Variants in PCDHGA8 observed in about 807,000 individuals in gnomAD.
The protein encoded by PCDHGA8 is protocadherin gamma subfamily A, 8.
In PCDHGA8, 45 loss-of-function variants were observed where a neutral mutation model predicts 59.2. The observed-to-expected ratio is 0.76, with a 90% CI of 0.60 to 0.98. The LOEUF (loss-of-function observed/expected upper bound fraction) is 0.98. Among genes scored for constraint, PCDHGA8 ranks in the 50% least tolerant of loss-of-function variants. PCDHGA8 has a pLI of 0.00. For missense variants in PCDHGA8, 1,257 were observed against 1,196.2 expected, an observed-to-expected ratio of 1.05 and a Z score of -0.75; for synonymous variants, 531 against 519.0, an observed-to-expected ratio of 1.02 and a Z score of -0.32.
intron 2 of PCDHGA8, among the ~76,000 whole-genome samples, chr5:141,496,582 G>A (rs991035985): frequency 1.9e-4 from 29 of 152,100 alleles, no homozygotes; most frequent in Non-Finnish European, 3.5e-4. Flanking sequence ...TTTTAGGAAC[G>A]CAAAGCGCTT....
chr5:141,487,355 G>A lies in PCDHGA8; in HGVS notation c.2425-7452G>A. ...AGCCTGTGGAGTCACATGCTTTCCT[G>A]CTGGCACCTGTGCCTGTCTCACCAG... On this transcript the variant is annotated intron_variant, in intron 1 of 3. Coordinates refer to ENST00000398604, the MANE Select transcript of PCDHGA8 (RefSeq NM_032088.2). This position sits in a 1 kb window ranked among gnomAD's most constrained non-coding sequence, Gnocchi z 5.0. 1 of 1,614,150 alleles carries A rather than the reference G, an allele frequency of 6.2e-7. No homozygotes were observed. Among genetic ancestry groups the A allele is most frequent in the South Asian group, 1.1e-5 (1 of 91,090 alleles).
chr5:141,399,442 A>G, intron 1 of PCDHGA8: 1 of 1,613,996 alleles, frequency 6.2e-7, no homozygotes. Context: ...CCTACATATC[A>G]GAGACGTCAA....
intron 1 of PCDHGA8, among the ~76,000 whole-genome samples, chr5:141,472,001 G>A (rs992798148): frequency 1.1e-4 from 17 of 152,022 alleles, no homozygotes; most frequent in East Asian, 3.9e-4. Context: ...TCCCTGCATC[G>A]TATAGGGGCA....
At chr5:141,425,296 T>A (rs1283179158) in intron 1 of PCDHGA8, among the ~76,000 whole-genome samples, 1 of 152,194 alleles carries the variant, frequency 6.6e-6, no homozygotes, top group Non-Finnish European at 1.5e-5. Flanking sequence ...TAAAACCTCA[T>A]CTAAACTAAC....
In PCDHGA8 at chr5:141,418,980, A is replaced by G; in HGVS notation, c.2424+23743A>G. 1 of 1,614,004 alleles carries G rather than the reference A, an allele frequency of 6.2e-7. No individual in the cohort carries two copies. ...GTTGCCCTCTTCAAAACACGGGACC[A>G]AGACTCAGGGGAAAATGGGGAAGTC... On this transcript the variant is annotated intron_variant, in intron 1 of 3. Transcript: ENST00000398604.
chr5:141,431,356 C>T lies in PCDHGA8; in HGVS notation c.2424+36119C>T. ...ACCCCGAATTGGTGCTGAAACGCGC[C>T]CTGGACCGCGAAGAAAAGGCTGCTC... On this transcript the variant is annotated intron_variant, in intron 1 of 3. Transcript: ENST00000398604. This position sits in a 1 kb window ranked among gnomAD's most constrained non-coding sequence, Gnocchi z 4.8. 6.2e-7 allele frequency: 1 copy of T among 1,614,004 alleles called. No individual in the cohort carries two copies. The highest frequency in any genetic ancestry group is 8.5e-7 in the Non-Finnish European group (1 of 1,180,026).
At position 141,418,475 on chromosome 5, in the gene PCDHGA8, A is replaced by G; in HGVS notation, c.2424+23238A>G. On this transcript the variant is annotated intron_variant, in intron 1 of 3. Transcript: ENST00000398604. The stretch of plus-strand genomic sequence containing the variant: ...GAAGACTCTGGACCGAGAAACGCAG[A>G]GCGCTCACCACTTGGTACTGACCGC... 3 of 1,614,000 alleles carry G rather than the reference A, an allele frequency of 1.9e-6. No individual in the cohort carries two copies. Among genetic ancestry groups the G allele is most frequent in the Non-Finnish European group, 2.5e-6 (3 of 1,179,892 alleles).
chr5:141,472,850 G>A (rs1230517294), intron 1 of PCDHGA8, among the ~76,000 whole-genome samples: 1 of 151,876 alleles, frequency 6.6e-6, no homozygotes, highest in Admixed American at 6.6e-5. Flanking sequence ...GCTGGGCATG[G>A]TGGCACATGC....
At chr5:141,399,194 C>G in intron 1 of PCDHGA8, 1 of 1,613,838 alleles carries the variant, frequency 6.2e-7, no homozygotes, top group Non-Finnish European at 8.5e-7. Context: ...CTGGAAAACG[C>G]GGTGCCTGGA....
At chr5:141,474,345 G>A (rs541613646) in intron 1 of PCDHGA8, among the ~76,000 whole-genome samples, 7 of 152,124 alleles carry the variant, frequency 4.6e-5, no homozygotes, top group African/African-American at 7.2e-5. Flanking sequence ...TTGTTAAAAT[G>A]TAAGTCATGT....
intron 1 of PCDHGA8, chr5:141,418,595 G>T (rs1331897624): frequency 5.6e-6 from 9 of 1,613,928 alleles, no homozygotes; most frequent in Non-Finnish European, 7.6e-6. Flanking sequence ...CAGCCAGGAC[G>T]TGTACAGGGT....
In PCDHGA8 at chr5:141,403,547, G is replaced by A. The variant is rs940508173; in HGVS notation, c.2424+8310G>A. ...AAACCCAGAGCTGGTGCTGGAGCGC[G>A]CCCTGGACAGGGAGGAGGCAACTGC... On this transcript the variant is annotated intron_variant, in intron 1 of 3. Coordinates refer to ENST00000398604, the MANE Select transcript of PCDHGA8 (RefSeq NM_032088.2). 3.4e-5 allele frequency: 55 copies of A among 1,613,888 alleles called. No individual in the cohort carries two copies. The highest frequency in any genetic ancestry group is 4.5e-5 in the Non-Finnish European group (53 of 1,179,904).
chr5:141,423,760 G>GT, intron 1 of PCDHGA8: 1 of 279,664 alleles, frequency 3.6e-6, no homozygotes, highest in Non-Finnish European at 5.3e-6. Flanking sequence ...TGGGGGGGGG[G>GT]TGGGGCGGCA....
At position 141,418,522 on chromosome 5, in the gene PCDHGA8, C is replaced by T. The variant is rs751177053; in HGVS notation, c.2424+23285C>T. The T allele has an allele frequency of 1.5e-5, 24 of 1,613,884 alleles. No individual in the cohort carries two copies. The African/African-American group carries it at 2.7e-4, about 18-fold the overall frequency. ...CCGCCTTAGATGGTGGGGACCCTCC[C>T]CGAAGCGGTACTGCTCAGATAAGAA... is the stretch of plus-strand genomic sequence containing the variant. On this transcript the variant is annotated intron_variant, in intron 1 of 3. Transcript: ENST00000398604.
chr5:141,405,746 G>A (rs1174743960), intron 1 of PCDHGA8, among the ~76,000 whole-genome samples: 1 of 152,108 alleles, frequency 6.6e-6, no homozygotes, highest in Non-Finnish European at 1.5e-5. Context: ...CCAAAGCACT[G>A]GGATTACAGG....
chr5:141,415,031 G>T lies in PCDHGA8; in HGVS notation c.2424+19794G>T, dbSNP rs982540695. The T allele has an allele frequency of 6.2e-6, 10 of 1,613,464 alleles. No individual in the cohort carries two copies. The highest frequency in any genetic ancestry group is 6.8e-6 in the Non-Finnish European group (8 of 1,179,984). On this transcript the variant is annotated intron_variant, in intron 1 of 3. Transcript: ENST00000398604. ...CGTCTGCTCAAGGCCAGCGAGCCGGGACTCTTCGCGGTGGGGGAGCACACG... is the reference window on the plus strand; with the variant it reads ...CGTCTGCTCAAGGCCAGCGAGCCGGTACTCTTCGCGGTGGGGGAGCACACG...
rs1487868399 is a variant in PCDHGA8 at position 141,394,506 on chromosome 5, C to T, written c.1693C>T (p.Pro565Ser). ...TGACAACGCGCCCGAGATCCTGTAC[C>T]CCGCCCTCCCCACAGACGGTTCCAC... ...QNDNAPEILY[P>S]ALPTDGSTGV... is the part of the protein sequence containing the mutation. Residue 565 changes from proline to serine, a missense_variant, in exon 1 of 4, where the codon CCC becomes TCC. Physicochemically the swap from Pro to Ser is moderately conservative, Grantham distance 74 (BLOSUM62 -1). Coordinates refer to ENST00000398604, the MANE Select transcript of PCDHGA8 (RefSeq NM_032088.2). 1 of 1,614,096 alleles carries T rather than the reference C, an allele frequency of 6.2e-7. No homozygotes were observed. The highest frequency in any genetic ancestry group is 8.5e-7 in the Non-Finnish European group (1 of 1,180,038).
chr5:141,410,602 T>A, intron 1 of PCDHGA8: 4 of 1,607,792 alleles, frequency 2.5e-6, no homozygotes, highest in South Asian at 2.2e-5. Flanking sequence ...TGACTTCACA[T>A]CCTGAGACTC....
intron 1 of PCDHGA8, among the ~76,000 whole-genome samples, chr5:141,492,394 G>C (rs2099740158): frequency 6.6e-6 from 1 of 152,220 alleles, no homozygotes; most frequent in African/African-American, 2.4e-5. Context: ...CGGTCCACTC[G>C]CAGCTCCCCT....
Sources: allele counts gnomAD v4.1 joint callset (sites outside exome capture counted in the v4.1 genomes callset), GRCh38; gene constraint gnomAD v4.1.1; non-coding constraint Gnocchi (gnomAD v3.1); transcripts MANE v1.5; gene names NCBI Gene and HGNC (gene_info 2026-07-23, HGNC 2026-07-21).